Variants in SLC4A4 observed in about 807,000 individuals in gnomAD.
SLC4A4 encodes the protein solute carrier family 4 member 4, also known as electrogenic sodium bicarbonate cotransporter 1.
In SLC4A4, 27 loss-of-function variants were observed where a neutral mutation model predicts 111.5. The observed-to-expected ratio is 0.24, with a 90% confidence interval of 0.18 to 0.33. The LOEUF is 0.33. Among genes scored for constraint, SLC4A4 ranks in the 10% least tolerant of loss-of-function variants. The probability of loss-of-function intolerance (pLI) is 1.00; values close to 1 mark genes in which losing one functional copy is unlikely to be tolerated. For missense variants in SLC4A4, 909 were observed against 1,315.5 expected (o/e 0.69, Z 4.78); for synonymous variants, 443 against 463.4 (o/e 0.96, Z 0.57).
intron 1 of SLC4A4, among the ~76,000 whole-genome samples, chr4:71,211,134 G>A (rs1003181433): frequency 2.0e-4 from 31 of 152,104 alleles, no homozygotes; most frequent in African/African-American, 6.5e-4. Flanking sequence ...CAGGGTGACT[G>A]CATATACTTT....
chr4:71,298,491 A>G (rs976835969), intron 3 of SLC4A4, among the ~76,000 whole-genome samples: 2 of 152,220 alleles, frequency 1.3e-5, no homozygotes, highest in Non-Finnish European at 2.9e-5. Flanking sequence ...TAAAAGTAAA[A>G]TTTATCAATT....
chr4:71,082,029 G>T lies in SLC4A4; in HGVS notation c.-64-10701G>T, dbSNP rs1340678658. ...GCTAAATGTACTATCCAAATACCTTGCTCCCTTTGGTAAATTTTCTGTTGT... is the reference window on the plus strand; with the variant it reads ...GCTAAATGTACTATCCAAATACCTTTCTCCCTTTGGTAAATTTTCTGTTGT... On this transcript the variant is annotated intron_variant, in intron 1 of 26. Transcript: ENST00000649996. Among the ~76,000 whole-genome samples the T allele has an allele frequency of 2.6e-5, 4 of 152,082 alleles. No individual in the cohort carries two copies. The East Asian group carries it at 7.7e-4, about 29-fold the overall frequency.
intron 1 of SLC4A4, among the ~76,000 whole-genome samples, chr4:71,191,334 C>A (rs1745723994): frequency 1.3e-5 from 2 of 152,194 alleles, no homozygotes; most frequent in Admixed American, 1.3e-4. Context: ...ACCAAAACAT[C>A]ATCTTGTTCT....
intron 1 of SLC4A4, among the ~76,000 whole-genome samples, chr4:71,091,937 C>T (rs1742403680): frequency 6.6e-6 from 1 of 152,166 alleles, no homozygotes; most frequent in African/African-American, 2.4e-5. Context: ...TGTGTTGGAA[C>T]TATATTGCCT....
intron 7 of SLC4A4, among the ~76,000 whole-genome samples, chr4:71,416,259 C>T (rs1032119228): frequency 6.6e-5 from 10 of 152,184 alleles, no homozygotes; most frequent in African/African-American, 2.4e-4. Flanking sequence ...TGTTCCAAAA[C>T]CCCCAGTGGA....
chr4:71,116,731 G>T (rs1257966663), intron 2 of SLC4A4, among the ~76,000 whole-genome samples: 5 of 152,146 alleles, frequency 3.3e-5, no homozygotes, highest in Non-Finnish European at 7.3e-5. Context: ...ATCACCTGAG[G>T]TTGCGAGTTC....
At chr4:71,350,146 A>G (rs1329352953) in intron 5 of SLC4A4, 74 bp downstream of exon 5, 1 of 1,396,886 alleles carries the variant, frequency 7.2e-7, no homozygotes, top group Non-Finnish European at 1.0e-6. Flanking sequence ...AAGGCAGATG[A>G]CTAGTACTGT....
intron 1 of SLC4A4, among the ~76,000 whole-genome samples, chr4:71,205,520 C>T (rs1437985662): frequency 6.6e-6 from 1 of 152,008 alleles, no homozygotes; most frequent in Non-Finnish European, 1.5e-5. Flanking sequence ...TCAGAGAAAC[C>T]CCTCGATATT....
intron 1 of SLC4A4, among the ~76,000 whole-genome samples, chr4:71,203,507 C>T (rs1746349509): frequency 6.6e-6 from 1 of 152,148 alleles, no homozygotes. Flanking sequence ...GCAGAGGGTC[C>T]TGCTCATGAC....
chr4:71,352,640 C>T (rs1729945668), intron 5 of SLC4A4, among the ~76,000 whole-genome samples: 1 of 152,150 alleles, frequency 6.6e-6, no homozygotes, highest in Admixed American at 6.5e-5. Flanking sequence ...ATTCCCTCAT[C>T]TATAAAAAGA....
chr4:71,560,844 G>T (rs1179842792), intron 23 of SLC4A4, among the ~76,000 whole-genome samples: 4 of 151,706 alleles, frequency 2.6e-5, no homozygotes, highest in Non-Finnish European at 5.9e-5. Context: ...AATTATAGTG[G>T]TTAGTGTCAT....
rs558003589 is a variant in SLC4A4, at chr4:71,084,261, T to C, written c.-64-8469T>C. Reference sequence around the variant, plus strand: ...GATCGCCTTGAAGTATAGTCTATAATAATAACTTGAATTATTTCACTACAT... The same window carrying C: ...GATCGCCTTGAAGTATAGTCTATAACAATAACTTGAATTATTTCACTACAT... On this transcript the variant is annotated intron_variant, in intron 1 of 26. Coordinates refer to the SLC4A4 transcript ENST00000649996. 1.9e-4 allele frequency among the ~76,000 whole-genome samples: 29 copies of C among 152,192 alleles called. 2 individuals carry two copies. The highest frequency in any genetic ancestry group is 6.8e-4 in the African/African-American group (28 of 41,462).
intron 16 of SLC4A4, among the ~76,000 whole-genome samples, chr4:71,499,026 T>A (rs1194821688): frequency 6.6e-6 from 1 of 152,142 alleles, no homozygotes; most frequent in Non-Finnish European, 1.5e-5. Context: ...TCTTCAACTG[T>A]GTGGGTTTTG....
intron 16 of SLC4A4, among the ~76,000 whole-genome samples, chr4:71,509,912 A>G (rs1055777508): frequency 6.6e-6 from 1 of 152,162 alleles, no homozygotes; most frequent in Non-Finnish European, 1.5e-5. Context: ...TGAGGCCTCA[A>G]GGATGGAGAG....
chr4:71,444,443 A>G (rs1725044612), intron 8 of SLC4A4, among the ~76,000 whole-genome samples: 1 of 152,230 alleles, frequency 6.6e-6, no homozygotes, highest in African/African-American at 2.4e-5. Flanking sequence ...GAATAAAAAG[A>G]ACTTAGTAAC....
At chr4:71,199,963 A>C (rs538149429) in intron 1 of SLC4A4, among the ~76,000 whole-genome samples, 16 of 152,164 alleles carry the variant, frequency 1.1e-4, no homozygotes, top group African/African-American at 3.9e-4. Context: ...CGAGTCTTTT[A>C]TATAAAAACC....
In SLC4A4 at chr4:71,455,720, A is replaced by G. The variant is rs557293284; in HGVS notation, c.1497+2051A>G. On this transcript the variant is annotated intron_variant, in intron 12 of 25. Coordinates refer to ENST00000264485, the MANE Select transcript of SLC4A4 (RefSeq NM_001098484.3). ...TTCTCATTGAGATGGGGACATTGCA[A>G]TATTGCCTATGTGTATTAGTTTATT... Among the ~76,000 whole-genome samples the G allele has an allele frequency of 5.3e-5, 8 of 152,288 alleles. No individual in the cohort carries two copies. In the South Asian group the frequency reaches 1.5e-3, roughly 28 times the overall value.
chr4:71,076,497 A>G (rs1578455037), intron 1 of SLC4A4, among the ~76,000 whole-genome samples: 1 of 151,598 alleles, frequency 6.6e-6, no homozygotes, highest in South Asian at 2.1e-4. Flanking sequence ...GCATCATTGC[A>G]CTCCAGCCTG....
At chr4:71,175,958 G>A (rs767500023) in intron 2 of SLC4A4, among the ~76,000 whole-genome samples, 4 of 152,158 alleles carry the variant, frequency 2.6e-5, no homozygotes, top group African/African-American at 4.8e-5. Context: ...TCACATGGCC[G>A]GGTACTCCTC....
Sources: gnomAD v4.1 joint callset for allele counts (sites outside exome capture counted in the v4.1 genomes callset) on GRCh38, gnomAD v4.1.1 for gene constraint, MANE v1.5 for transcripts, NCBI Gene and HGNC (gene_info 2026-07-23, HGNC 2026-07-21) for gene names.